Variants in EXT1 observed in about 807,000 individuals in gnomAD.
EXT1 encodes exostosin glycosyltransferase 1.
In EXT1, 20 loss-of-function variants were observed where a neutral mutation model predicts 82.5. The ratio of observed to expected loss-of-function variants is 0.24; its 90% CI spans 0.17 to 0.35. The LOEUF is 0.35. Among genes scored for constraint, EXT1 ranks in the 10% least tolerant of loss-of-function variants. EXT1 has a pLI of 1.00. For synonymous variants in EXT1, 348 were observed against 350.8 expected (o/e 0.99, Z 0.09); for missense variants, 757 against 936.5 (o/e 0.81, Z 2.50).
chr8:117,858,839 AGGAAG>A (rs1812626567), intron 1 of EXT1, among the ~76,000 whole-genome samples: 1 of 61,366 alleles, frequency 1.6e-5, no homozygotes, highest in Non-Finnish European at 3.8e-5. Flanking sequence ...GAAGGAAGGA[AGGAAG>A]GAAAGAAAGA....
intron 8 of EXT1, among the ~76,000 whole-genome samples, chr8:117,812,275 C>T (rs774372040): frequency 1.3e-5 from 2 of 152,156 alleles, no homozygotes; most frequent in African/African-American, 4.8e-5. Flanking sequence ...CTTTCCTCCT[C>T]TCTCTCTCCT....
chr8:117,874,859 ACT>A (rs1166999672), intron 1 of EXT1, among the ~76,000 whole-genome samples: 5 of 152,206 alleles, frequency 3.3e-5, no homozygotes, highest in African/African-American at 1.2e-4. Flanking sequence ...AGTTTTCAGC[ACT>A]GTTTCATTTC....
chr8:117,995,124 T>C (rs1815510074), intron 1 of EXT1, among the ~76,000 whole-genome samples: 1 of 152,228 alleles, frequency 6.6e-6, no homozygotes, highest in Non-Finnish European at 1.5e-5. Context: ...ACCCTCATTT[T>C]TTTAAGATCT....
At chr8:117,935,529 A>G (rs1255440427) in intron 1 of EXT1, among the ~76,000 whole-genome samples, 1 of 151,760 alleles carries the variant, frequency 6.6e-6, no homozygotes, top group Non-Finnish European at 1.5e-5. Context: ...AATTCATTTT[A>G]AATTTACTTT....
chr8:117,869,725 T>G (rs1019707737), intron 1 of EXT1, among the ~76,000 whole-genome samples: 2 of 152,206 alleles, frequency 1.3e-5, no homozygotes, highest in Non-Finnish European at 2.9e-5. Flanking sequence ...TTAAGCTACA[T>G]TTTAATGGAT....
intron 1 of EXT1, among the ~76,000 whole-genome samples, chr8:118,066,316 A>C (rs1816985592): frequency 6.7e-6 from 1 of 150,042 alleles, no homozygotes; most frequent in African/African-American, 2.5e-5. Flanking sequence ...TCTTAATAAC[A>C]TTTTCTTTTC....
At chr8:117,865,344 G>A (rs1357539767) in intron 1 of EXT1, among the ~76,000 whole-genome samples, 1 of 152,086 alleles carries the variant, frequency 6.6e-6, no homozygotes, top group African/African-American at 2.4e-5. Context: ...ATTTTTTAAA[G>A]GTTTTTTGAA....
chr8:118,057,098 G>A (rs17476875), intron 1 of EXT1, among the ~76,000 whole-genome samples: 2,174 of 152,186 alleles, frequency 0.014, 53 homozygotes, highest in African/African-American at 0.043. Flanking sequence ...CCAAATCACT[G>A]CCCTCTCTAA....
At chr8:117,924,474 C>T (rs1233153528) in intron 1 of EXT1, among the ~76,000 whole-genome samples, 1 of 152,226 alleles carries the variant, frequency 6.6e-6, no homozygotes, top group Non-Finnish European at 1.5e-5. Flanking sequence ...CACCTTTATG[C>T]TACATCTTTC....
intron 4 of EXT1, among the ~76,000 whole-genome samples, chr8:117,829,106 T>G (rs1179696673): frequency 6.6e-6 from 1 of 152,118 alleles, no homozygotes; most frequent in Non-Finnish European, 1.5e-5. Context: ...CCCACCTCAT[T>G]TTGGGACACC....
In EXT1 at chr8:117,910,004, G is replaced by A. The variant is rs191374000; in HGVS notation, c.963-72803C>T. Among the ~76,000 whole-genome samples the A allele has an allele frequency of 3.5e-3, 529 of 152,290 alleles. 3 individuals carry two copies. Among genetic ancestry groups the A allele is most frequent in the African/African-American group, 9.1e-3 (380 of 41,564 alleles). ...ACTGGCCTTGAACTCCTGACTTCAA[G>A]TGGTCCACCCGTGCCGGCCTCCCAA... On this transcript the variant is annotated intron_variant, in intron 1 of 10. Coordinates refer to ENST00000378204, the MANE Select transcript of EXT1 (RefSeq NM_000127.3).
chr8:118,099,875 G>T lies in EXT1; in HGVS notation c.962+10210C>A, dbSNP rs187678543. Among the ~76,000 whole-genome samples, 153 of 152,256 alleles carry T rather than the reference G, an allele frequency of 1.0e-3. 1 individual carries two copies. Among genetic ancestry groups the T allele is most frequent in the Middle Eastern group, 3.4e-3 (1 of 294 alleles). ...GGGTCAAATATGTGCATGCCAACAGGATATGGCTTCAACAGCGCCTGCCAC... is the reference window on the plus strand; with the variant it reads ...GGGTCAAATATGTGCATGCCAACAGTATATGGCTTCAACAGCGCCTGCCAC... On this transcript the variant is annotated intron_variant, in intron 1 of 10. Coordinates refer to ENST00000378204, the MANE Select transcript of EXT1 (RefSeq NM_000127.3).
At chr8:117,873,799 T>A (rs988396367) in intron 1 of EXT1, among the ~76,000 whole-genome samples, 5 of 152,192 alleles carry the variant, frequency 3.3e-5, no homozygotes, top group Admixed American at 2.6e-4. Flanking sequence ...AAGATATGCA[T>A]CCCAATAGGA....
intron 1 of EXT1, among the ~76,000 whole-genome samples, chr8:118,007,072 C>T (rs1021969287): frequency 2.6e-5 from 4 of 152,118 alleles, no homozygotes; most frequent in African/African-American, 9.7e-5. Context: ...CCGAGACAGG[C>T]GGATCACGAG....
At chr8:117,843,362 G>C (rs1469814781) in intron 1 of EXT1, among the ~76,000 whole-genome samples, 1 of 152,198 alleles carries the variant, frequency 6.6e-6, no homozygotes, top group African/African-American at 2.4e-5. Context: ...GTAGAGGTGG[G>C]TGTTATACAG....
Position 117,825,467 on chromosome 8 carries a change from T to TAC in EXT1, c.1285-2872_1285-2871dup, listed in dbSNP as rs371496697. 5.9e-5 allele frequency among the ~76,000 whole-genome samples: 9 copies of TAC among 151,922 alleles called. No individual in the cohort carries two copies. The South Asian group carries it at 1.0e-3, about 18-fold the overall frequency. On this transcript the variant is annotated intron_variant, in intron 4 of 10. Coordinates refer to ENST00000378204, the MANE Select transcript of EXT1 (RefSeq NM_000127.3). Reference sequence around the variant, plus strand: ...CTTCTTTGGCTATAAACAAAATCAATACACACACACACATACACAAACAGA... The same window carrying TAC: ...CTTCTTTGGCTATAAACAAAATCAATACACACACACACACATACACAAACAGA...
At chr8:117,912,434 A>T (rs1216126023) in intron 1 of EXT1, among the ~76,000 whole-genome samples, 2 of 152,228 alleles carry the variant, frequency 1.3e-5, no homozygotes, top group Non-Finnish European at 2.9e-5. Flanking sequence ...TTTAGTATTT[A>T]AAAACTAATT....
At chr8:117,805,058 G>T (rs1823217884) in intron 9 of EXT1, among the ~76,000 whole-genome samples, 165 bp from the exon 10 acceptor site, 2 of 152,088 alleles carry the variant, frequency 1.3e-5, no homozygotes, top group African/African-American at 4.8e-5. Flanking sequence ...TATGGTACTT[G>T]TTATATACCA....
chr8:118,100,844 A>T (rs1351213157), intron 1 of EXT1, among the ~76,000 whole-genome samples: 1 of 152,048 alleles, frequency 6.6e-6, no homozygotes, highest in African/African-American at 2.4e-5. Context: ...GAAGTATCTG[A>T]CTGCCCCAGG....
Sources: allele counts gnomAD v4.1 joint callset (sites outside exome capture counted in the v4.1 genomes callset), GRCh38; gene constraint gnomAD v4.1.1; transcripts MANE v1.5; gene names NCBI Gene and HGNC (gene_info 2026-07-23, HGNC 2026-07-21).